The following NAV3 variants were observed in gnomAD, a reference collection of about 807,000 sequenced individuals.
NAV3 encodes neuron navigator 3, also known as pore membrane and/or filament interacting like protein 1.
Under a neutral mutation model 244.7 loss-of-function variants are expected in NAV3, and 87 were observed. That is an observed-to-expected ratio of 0.36 (90% CI 0.30 to 0.42). The LOEUF (loss-of-function observed/expected upper bound fraction) is 0.42. Among genes scored for constraint, NAV3 ranks in the 20% least tolerant of loss-of-function variants. The probability of loss-of-function intolerance (pLI) is 1.00; values close to 1 mark genes in which losing one functional copy is unlikely to be tolerated. For synonymous variants in NAV3, 1,126 were observed against 1,042.2 expected, an observed-to-expected ratio of 1.08 and a Z score of -1.55; for missense variants, 2,663 against 2,893.3, an observed-to-expected ratio of 0.92 and a Z score of 1.83.
intron 2 of NAV3, among the ~76,000 whole-genome samples, chr12:77,693,333 A>G (rs1875124025): frequency 6.6e-6 from 1 of 152,086 alleles, no homozygotes; most frequent in Admixed American, 6.6e-5. Flanking sequence ...ATCTCAACCC[A>G]GTAACCCCAC....
At chr12:77,726,884 G>A (rs971212019) in intron 2 of NAV3, among the ~76,000 whole-genome samples, 2 of 151,854 alleles carry the variant, frequency 1.3e-5, no homozygotes, top group African/African-American at 2.4e-5. Flanking sequence ...AAGACGGAGA[G>A]GTGAGAAAAG....
At chr12:77,615,737 T>A (rs1194188392) in intron 2 of NAV3, among the ~76,000 whole-genome samples, 1 of 152,156 alleles carries the variant, frequency 6.6e-6, no homozygotes, top group East Asian at 1.9e-4. Flanking sequence ...ATATACCAGT[T>A]GAGATGTTTA....
intron 33 of NAV3, among the ~76,000 whole-genome samples, chr12:78,189,228 C>T (rs1417835303): frequency 2.0e-5 from 3 of 151,822 alleles, no homozygotes; most frequent in Non-Finnish European, 4.4e-5. Flanking sequence ...TGAGAATTTT[C>T]TTTGCTTTAG....
At chr12:77,979,712 G>GAAAAAAAAAAAAAAAAAAAAA (rs150656996) in intron 5 of NAV3, among the ~76,000 whole-genome samples, 2 of 121,644 alleles carry the variant, frequency 1.6e-5, no homozygotes, top group Non-Finnish European at 1.7e-5. Context: ...AAAAAAAAAA[G>GAAAAAAAAAAAAAAAAAAAAA]AAAAAAAAAA....
In NAV3 at chr12:78,185,709, A is replaced by C. The variant is rs1216650444; in HGVS notation, c.5790+11A>C. The C allele has an allele frequency of 1.3e-6, 2 of 1,598,132 alleles. No individual in the cohort carries two copies. Among genetic ancestry groups the C allele is most frequent in the Non-Finnish European group, 1.7e-6 (2 of 1,169,012 alleles). On this transcript the variant is annotated intron_variant, in intron 31 of 39. Coordinates refer to ENST00000397909, the MANE Select transcript of NAV3 (RefSeq NM_001024383.2). ...TATGGTCGAGCAAAGGTACTTCTTT[A>C]ATCTTAAACTCTTTATTACTAACAA...
At chr12:78,137,963 T>C (rs528605027) in intron 19 of NAV3, among the ~76,000 whole-genome samples, 82 of 152,244 alleles carry the variant, frequency 5.4e-4, no homozygotes, top group African/African-American at 1.3e-3. Context: ...GGAAGCTGAG[T>C]TGATGCTCAA....
intron 12 of NAV3, among the ~76,000 whole-genome samples, chr12:78,073,383 T>C (rs1290785743): frequency 2.7e-5 from 4 of 150,026 alleles, no homozygotes; most frequent in Non-Finnish European, 5.9e-5. Flanking sequence ...AGCATTCTTA[T>C]ACACCAGCAA....
chr12:77,648,822 G>T (rs187724490), intron 2 of NAV3, among the ~76,000 whole-genome samples: 30 of 152,026 alleles, frequency 2.0e-4, no homozygotes, highest in African/African-American at 6.5e-4. Flanking sequence ...ACTGGTCAGG[G>T]TGCCTATTGA....
intron 2 of NAV3, among the ~76,000 whole-genome samples, chr12:77,707,262 A>G (rs1422768738): frequency 7.6e-6 from 1 of 132,230 alleles, no homozygotes; most frequent in Non-Finnish European, 1.5e-5. Context: ...CCTGTGTCCA[A>G]GTGTTCTCAT....
At chr12:77,652,596 G>A (rs12296247) in intron 2 of NAV3, among the ~76,000 whole-genome samples, 8,131 of 152,160 alleles carry the variant, frequency 0.053, 515 homozygotes, top group African/African-American at 0.16. Context: ...TTATCAAAAT[G>A]TACCCAAATT....
chr12:78,039,638 A>G (rs1344595633), intron 9 of NAV3, among the ~76,000 whole-genome samples: 1 of 152,106 alleles, frequency 6.6e-6, no homozygotes, highest in Non-Finnish European at 1.5e-5. Context: ...TTGATTTCCT[A>G]TTGAAAGATG....
At position 77,645,536 on chromosome 12, in the gene NAV3, TAAAAAAAAAAAA is replaced by T. The variant is rs756805711; in HGVS notation, c.72+73283_72+73294del. ...GAATTCATGGAGAGCTCTCTCTCTC[TAAAAAAAAAAAA>T]AAAAAAAAAAAACTTTCAAATCTCT... On this transcript the variant is annotated intron_variant, in intron 2 of 8. Coordinates refer to the NAV3 transcript ENST00000550042. 4.8e-5 allele frequency among the ~76,000 whole-genome samples: 3 copies of T among 63,012 alleles called. No homozygotes were observed. In the South Asian group the frequency reaches 1.7e-3, roughly 36 times the overall value. The allele number at this position is 63,012 out of a possible 152,430, so 41.3% of individuals were successfully genotyped here.
chr12:77,928,375 C>T (rs895691334), intron 1 of NAV3, among the ~76,000 whole-genome samples: 1 of 152,028 alleles, frequency 6.6e-6, no homozygotes, highest in African/African-American at 2.4e-5. Flanking sequence ...ATGATCTGGA[C>T]ACGAACTAGG....
intron 2 of NAV3, among the ~76,000 whole-genome samples, chr12:77,772,737 G>A (rs565346715): frequency 4.4e-4 from 67 of 152,214 alleles, no homozygotes; most frequent in African/African-American, 1.6e-3. Context: ...TTCCTTGATG[G>A]CTCGAGCAGT....
chr12:77,600,588 G>C (rs1870381605), intron 2 of NAV3, among the ~76,000 whole-genome samples: 1 of 151,964 alleles, frequency 6.6e-6, no homozygotes, highest in South Asian at 2.1e-4. Flanking sequence ...AACACACTTG[G>C]CAAGTGCATT....
At chr12:77,937,971 G>T (rs189319011) in intron 1 of NAV3, among the ~76,000 whole-genome samples, 77 of 152,212 alleles carry the variant, frequency 5.1e-4, no homozygotes, top group Admixed American at 1.2e-3. Flanking sequence ...TTTACAACAA[G>T]ACTTTTTTTT....
intron 1 of NAV3, among the ~76,000 whole-genome samples, chr12:77,930,878 C>T (rs910932166): frequency 6.6e-6 from 1 of 152,120 alleles, no homozygotes; most frequent in African/African-American, 2.4e-5. Flanking sequence ...TCTGTATCTT[C>T]TAGTTGCAAT....
At chr12:77,707,223 A>G (rs1270001035) in intron 2 of NAV3, among the ~76,000 whole-genome samples, 1 of 77,736 alleles carries the variant, frequency 1.3e-5, no homozygotes, top group Non-Finnish European at 2.5e-5. Flanking sequence ...CCCACCCCAC[A>G]ACAAGCCCTG....
At chr12:77,770,309 C>G (rs1038450716) in intron 2 of NAV3, among the ~76,000 whole-genome samples, 1 of 152,104 alleles carries the variant, frequency 6.6e-6, no homozygotes, top group African/African-American at 2.4e-5. Flanking sequence ...AACTTGCAAT[C>G]TTAGAGGTAT....
Sources: gnomAD v4.1 joint callset for allele counts (sites outside exome capture counted in the v4.1 genomes callset) on GRCh38, gnomAD v4.1.1 for gene constraint, MANE v1.5 for transcripts, NCBI Gene and HGNC (gene_info 2026-07-23, HGNC 2026-07-21) for gene names.